The following MRTFB variants were observed in gnomAD, a reference collection of about 807,000 sequenced individuals.
MRTFB encodes myocardin related transcription factor B, also known as myocardin-related transcription factor B.
Under a neutral mutation model 104.2 loss-of-function variants are expected in MRTFB, and 29 were observed. The ratio of observed to expected loss-of-function variants is 0.28; its 90% confidence interval spans 0.21 to 0.38. The LOEUF is 0.38. Among genes scored for constraint, MRTFB ranks in the 10% least tolerant of loss-of-function variants. The probability of loss-of-function intolerance (pLI) is 1.00; values close to 1 mark genes in which losing one functional copy is unlikely to be tolerated. For missense variants in MRTFB, 1,270 were observed against 1,341.6 expected (o/e 0.95, Z 0.83); for synonymous variants, 535 against 519.5 (o/e 1.03, Z -0.41).
chr16:14,189,544 C>A (rs2040085149), intron 3 of MRTFB, among the ~76,000 whole-genome samples: 1 of 152,086 alleles, frequency 6.6e-6, no homozygotes, highest in Non-Finnish European at 1.5e-5. Flanking sequence ...TATTAATAAT[C>A]CCTAATAGTT....
chr16:14,159,779 AAT>A (rs1384829050), intron 3 of MRTFB, among the ~76,000 whole-genome samples: 1 of 151,014 alleles, frequency 6.6e-6, no homozygotes, highest in African/African-American at 2.4e-5. Flanking sequence ...AATACAAAAA[AAT>A]TAGCCGGGCG....
chr16:14,031,520 A>G, the MRTFB span, among the ~76,000 whole-genome samples: 1 of 152,330 alleles, frequency 6.6e-6, no homozygotes, highest in East Asian at 1.9e-4. Flanking sequence ...TTAAATGAGT[A>G]TTCGTATTGT....
At chr16:14,055,598 T>C in the MRTFB span, among the ~76,000 whole-genome samples, 1 of 152,134 alleles carries the variant, frequency 6.6e-6, no homozygotes. Flanking sequence ...TGTCCCTCCA[T>C]TTGGGTTTGT....
At chr16:14,047,357 A>G in the MRTFB span, among the ~76,000 whole-genome samples, 1 of 152,290 alleles carries the variant, frequency 6.6e-6, no homozygotes, top group East Asian at 1.9e-4. Context: ...AATTCAGCAG[A>G]AAGATGAAGA....
chr16:14,007,266 A>G, the MRTFB span, among the ~76,000 whole-genome samples: 1 of 152,150 alleles, frequency 6.6e-6, no homozygotes, highest in African/African-American at 2.4e-5. Flanking sequence ...TCTCTATAGA[A>G]AGGAAGTGTT....
chr16:14,062,210 A>G, the MRTFB span, among the ~76,000 whole-genome samples: 7 of 152,266 alleles, frequency 4.6e-5, no homozygotes, highest in East Asian at 5.8e-4. Context: ...TTCCTGCCTC[A>G]GCCTCCTGAG....
chr16:14,185,823 G>GTA (rs1294431746), intron 3 of MRTFB, among the ~76,000 whole-genome samples: 1 of 152,146 alleles, frequency 6.6e-6, no homozygotes, highest in African/African-American at 2.4e-5. Flanking sequence ...GGCTACAGAG[G>GTA]TATATATCTG....
chr16:14,194,926 C>T lies in MRTFB; in HGVS notation c.155-15317C>T, dbSNP rs532028632. Among the ~76,000 whole-genome samples, 22 of 152,142 alleles carry T rather than the reference C, an allele frequency of 1.4e-4. No homozygotes were observed. The South Asian group carries it at 3.7e-3, about 26-fold the overall frequency. On this transcript the variant is annotated intron_variant, in intron 3 of 16. Coordinates refer to ENST00000571589, the MANE Select transcript of MRTFB (RefSeq NM_001308142.2). ...AAACAATGAGCCCACATTAAAGCTC[C>T]GTTTGACGCACTTGGCCATCCTTCC...
intron 3 of MRTFB, among the ~76,000 whole-genome samples, chr16:14,166,765 AT>A: frequency 6.7e-6 from 1 of 149,208 alleles, no homozygotes; most frequent in South Asian, 2.1e-4. Flanking sequence ...GGTATGTTTG[AT>A]TTTCTGTTCC....
the MRTFB span, among the ~76,000 whole-genome samples, chr16:13,999,938 G>A: frequency 2.0e-4 from 31 of 152,204 alleles, no homozygotes; most frequent in Non-Finnish European, 7.3e-5. Flanking sequence ...AAGTAAGCCT[G>A]TTCCAGGACC....
upstream of MRTFB, among the ~76,000 whole-genome samples, chr16:14,066,911 T>A (rs1413718718): frequency 1.3e-5 from 2 of 151,508 alleles, no homozygotes; most frequent in Non-Finnish European, 2.9e-5. Flanking sequence ...CCTCATTCAA[T>A]CCTCTCTCCT....
At position 14,193,307 on chromosome 16, in the gene MRTFB, G is replaced by T. The variant is rs549659435; in HGVS notation, c.155-16936G>T. Among the ~76,000 whole-genome samples, 3 of 146,958 alleles carry T rather than the reference G, an allele frequency of 2.0e-5. No individual in the cohort carries two copies. The South Asian group carries it at 6.5e-4, about 32-fold the overall frequency. ...GGCTCACACCTTGTAATTGATTTCC[G>T]TTGTACTTGGGATAAAATCAAAAAT... On this transcript the variant is annotated intron_variant, in intron 3 of 16. Coordinates refer to ENST00000571589, the MANE Select transcript of MRTFB (RefSeq NM_001308142.2).
chr16:14,103,198 T>C (rs906251099), intron 2 of MRTFB, among the ~76,000 whole-genome samples: 1 of 152,174 alleles, frequency 6.6e-6, no homozygotes, highest in Non-Finnish European at 1.5e-5. Context: ...TCTGTTTTCT[T>C]GTCTGGCTTC....
chr16:14,127,744 C>G (rs2037191991), intron 2 of MRTFB, among the ~76,000 whole-genome samples: 1 of 150,816 alleles, frequency 6.6e-6, no homozygotes, highest in African/African-American at 2.4e-5. Flanking sequence ...CTGAGAACCA[C>G]TCTACTCCTT....
chr16:14,084,500 A>G (rs2034586739), intron 2 of MRTFB, among the ~76,000 whole-genome samples: 1 of 152,228 alleles, frequency 6.6e-6, no homozygotes. Flanking sequence ...AGATCATGCC[A>G]CTGCACTCCA....
At chr16:14,051,951 T>C in the MRTFB span, among the ~76,000 whole-genome samples, 1 of 152,314 alleles carries the variant, frequency 6.6e-6, no homozygotes, top group South Asian at 2.1e-4. Flanking sequence ...TTCCCTCTCG[T>C]GAATGTGCTC....
intron 3 of MRTFB, among the ~76,000 whole-genome samples, chr16:14,184,605 C>A (rs974111185): frequency 3.3e-5 from 5 of 152,078 alleles, no homozygotes; most frequent in African/African-American, 9.7e-5. Flanking sequence ...ACAGTAATCA[C>A]TAAATAAAGT....
the MRTFB span, among the ~76,000 whole-genome samples, chr16:13,997,898 A>G: frequency 6.6e-6 from 1 of 152,100 alleles, no homozygotes; most frequent in Non-Finnish European, 1.5e-5. Context: ...TAAGACAAGC[A>G]TGATGCTTGC....
intron 2 of MRTFB, among the ~76,000 whole-genome samples, chr16:14,107,432 C>T (rs1193277968): frequency 6.6e-6 from 1 of 152,134 alleles, no homozygotes; most frequent in African/African-American, 2.4e-5. Context: ...GCCAACCACA[C>T]ATCTGTCATT....
Sources: allele counts gnomAD v4.1 joint callset (sites outside exome capture counted in the v4.1 genomes callset), GRCh38; gene constraint gnomAD v4.1.1; transcripts MANE v1.5; gene names NCBI Gene and HGNC (gene_info 2026-07-23, HGNC 2026-07-21).